AHR: variants seen among roughly 807,000 people sequenced by gnomAD.
The protein encoded by AHR is aryl hydrocarbon receptor, also known as AH-receptor.
AHR carries 40 observed loss-of-function variants against 86.8 expected under a neutral mutation model. The observed-to-expected ratio is 0.46, with a 90% CI of 0.36 to 0.60. The LOEUF is 0.60. AHR is among the 20% of genes least tolerant of loss of function. AHR has a pLI of 0.00. For missense variants in AHR, 1,001 were observed against 1,011.6 expected (o/e 0.99, Z 0.14); for synonymous variants, 398 against 354.9 (o/e 1.12, Z -1.37).
intron 9 of AHR, among the ~76,000 whole-genome samples, chr7:17,338,043 C>A (rs1562481991): frequency 1.3e-5 from 2 of 151,066 alleles, no homozygotes; most frequent in Non-Finnish European, 1.5e-5. Context: ...ACTAAAAATA[C>A]AAAAAATTAG....
chr7:17,306,621 G>A (rs1782008868), intron 1 of AHR, among the ~76,000 whole-genome samples: 1 of 151,906 alleles, frequency 6.6e-6, no homozygotes, highest in Non-Finnish European at 1.5e-5. Context: ...TATTACTGAG[G>A]TCTATCCTCA....
chr7:17,331,840 T>A (rs1782298919), intron 6 of AHR, among the ~76,000 whole-genome samples: 1 of 151,980 alleles, frequency 6.6e-6, no homozygotes, highest in Admixed American at 6.6e-5. Context: ...TATTGTATAT[T>A]CTTTTTGTGA....
chr7:17,329,573 A>T (rs554110291), intron 4 of AHR, among the ~76,000 whole-genome samples: 1 of 152,062 alleles, frequency 6.6e-6, no homozygotes, highest in Non-Finnish European at 1.5e-5. Context: ...CATTAAGCTT[A>T]GAGAAGTCAA....
chr7:17,329,841 G>A lies in AHR; in HGVS notation c.451-111G>A, dbSNP rs559529949. ...GGGAATTTTAGGAATCATTCAATTCGTATTCATCACCACTAGCAAGCACCC... is the reference window on the plus strand; with the variant it reads ...GGGAATTTTAGGAATCATTCAATTCATATTCATCACCACTAGCAAGCACCC... On this transcript the variant is annotated intron_variant, in intron 4 of 10. Transcript: ENST00000242057. 25 of 905,018 alleles carry A rather than the reference G, an allele frequency of 2.8e-5. No individual in the cohort carries two copies. The East Asian group carries it at 2.9e-4, about 10-fold the overall frequency. 56.1% of individuals were successfully genotyped at this position (905,018 alleles called of 1,614,324 possible). A position where few individuals can be genotyped will look rare whatever the true frequency, so the allele number is the denominator to read the frequency against.
intron 2 of AHR, among the ~76,000 whole-genome samples, chr7:17,314,861 A>G (rs1011078327): frequency 6.6e-6 from 1 of 152,050 alleles, no homozygotes; most frequent in Non-Finnish European, 1.5e-5. Flanking sequence ...TGATAGTATC[A>G]TAGCAAATGT....
chr7:17,339,882 C>G lies in AHR; in HGVS notation c.2057C>G (p.Pro686Arg), dbSNP rs1248293256. The G allele has an allele frequency of 6.2e-7, 1 of 1,614,116 alleles. No homozygotes were observed. Among genetic ancestry groups the G allele is most frequent in the Non-Finnish European group, 8.5e-7 (1 of 1,180,002 alleles). ...TTACATGGGATCAGTCAAGAGTTCC[C>G]CTACAAATCTGAAATGGATTCTATG... Reference protein sequence around the residue: ...TDLHGISQEFPYKSEMDSMPY... With the variant: ...TDLHGISQEFRYKSEMDSMPY... Residue 686 changes from proline to arginine, a missense_variant, in exon 10 of 11, where the codon CCC becomes CGC. Physicochemically the swap from Pro to Arg is moderately radical, Grantham distance 103 (BLOSUM62 -2). Around this residue, in one of 2 missense-constraint regions of AHR, gnomAD observed 607 missense variants for 543.1 expected, o/e 1.12. Transcript: ENST00000242057.
intron 1 of AHR, among the ~76,000 whole-genome samples, chr7:17,304,053 C>T (rs1183512312): frequency 6.6e-6 from 1 of 152,020 alleles, no homozygotes; most frequent in Non-Finnish European, 1.5e-5. Context: ...TTTGTTTTGT[C>T]TTACATTTTT....
chr7:17,327,266 T>C (rs1782239522), intron 3 of AHR, among the ~76,000 whole-genome samples: 1 of 151,994 alleles, frequency 6.6e-6, no homozygotes, highest in African/African-American at 2.4e-5. Flanking sequence ...ATTTTATATA[T>C]ATAGTGTTTT....
chr7:17,336,741 T>G (rs1166164246), intron 9 of AHR, among the ~76,000 whole-genome samples: 1 of 152,160 alleles, frequency 6.6e-6, no homozygotes, highest in Non-Finnish European at 1.5e-5. Flanking sequence ...TGTATATGAG[T>G]GCATGGGTAT....
In AHR at chr7:17,345,966, A is replaced by G. The variant is rs1782479675; in HGVS notation, c.*2902A>G. On this transcript the variant is annotated 3_prime_UTR_variant, in exon 11 of 11. Transcript: ENST00000242057. ...AGTGTATTATGAAGCTTTCAACATT[A>G]CTATGCACAAACTAGTGTTTTTCGA... The G allele has an allele frequency of 6.5e-6, 1 of 152,860 alleles. No individual in the cohort carries two copies. The highest frequency in any genetic ancestry group is 1.9e-4 in the East Asian group (1 of 5,332). 9.5% of individuals were successfully genotyped at this position (152,860 alleles called of 1,614,324 possible).
chr7:17,313,346 C>T (rs796961818), intron 2 of AHR, among the ~76,000 whole-genome samples: 27 of 152,028 alleles, frequency 1.8e-4, no homozygotes, highest in African/African-American at 6.5e-4. Flanking sequence ...AACAGTATAG[C>T]GAAGCGAAGG....
intron 3 of AHR, among the ~76,000 whole-genome samples, chr7:17,326,285 T>C (rs914310697): frequency 6.6e-6 from 1 of 152,140 alleles, no homozygotes; most frequent in Non-Finnish European, 1.5e-5. Context: ...ATAATATAGA[T>C]CAAGAATCTT....
intron 10 of AHR, 77 bp from the exon 11 acceptor site, chr7:17,342,844 C>T (rs1782440501): frequency 1.2e-5 from 16 of 1,380,336 alleles, no homozygotes; most frequent in Non-Finnish European, 1.3e-5. Flanking sequence ...TTTAAAAATA[C>T]ATGTTAATGT....
chr7:17,338,318 C>T (rs1336207933), intron 9 of AHR, among the ~76,000 whole-genome samples: 1 of 150,922 alleles, frequency 6.6e-6, no homozygotes, highest in African/African-American at 2.4e-5. Flanking sequence ...TTAGTTGTTT[C>T]AGATTCTTAA....
chr7:17,329,295 G>A (rs1782260926), intron 4 of AHR, among the ~76,000 whole-genome samples: 1 of 151,864 alleles, frequency 6.6e-6, no homozygotes, highest in South Asian at 2.1e-4. Context: ...TAAGTGTTTT[G>A]TGAAACTTTT....
At chr7:17,325,326 A>G (rs574948814) in intron 3 of AHR, among the ~76,000 whole-genome samples, 67 of 152,324 alleles carry the variant, frequency 4.4e-4, no homozygotes, top group Admixed American at 7.2e-4. Context: ...GTCTTCTGGC[A>G]TGTACACCAA....
At chr7:17,324,052 G>A (rs1191846499) in intron 3 of AHR, among the ~76,000 whole-genome samples, 1 of 152,144 alleles carries the variant, frequency 6.6e-6, no homozygotes, top group Non-Finnish European at 1.5e-5. Flanking sequence ...TAGGCAAATT[G>A]TGTACATACC....
At chr7:17,318,050 A>G (rs894537931) in intron 2 of AHR, among the ~76,000 whole-genome samples, 3 of 152,164 alleles carry the variant, frequency 2.0e-5, no homozygotes, top group African/African-American at 7.2e-5. Context: ...CTACCCTGCC[A>G]AAGTAGTAAA....
intron 3 of AHR, among the ~76,000 whole-genome samples, chr7:17,323,466 C>CT (rs1362611111): frequency 6.6e-6 from 1 of 151,606 alleles, no homozygotes; most frequent in African/African-American, 2.4e-5. Context: ...TTTTTTTACT[C>CT]TTTTTTTTAG....
Sources: gnomAD v4.1 joint callset for allele counts (sites outside exome capture counted in the v4.1 genomes callset) on GRCh38, gnomAD v4.1.1 for gene constraint, gnomAD v4.1.1 regional missense constraint, MANE v1.5 for transcripts, NCBI Gene and HGNC (gene_info 2026-07-23, HGNC 2026-07-21) for gene names.